Variants in HIPK2 observed in about 807,000 individuals in gnomAD.
HIPK2 encodes homeodomain interacting protein kinase 2.
Under a neutral mutation model 113.7 loss-of-function variants are expected in HIPK2, and 27 were observed. That is an observed-to-expected ratio of 0.24 (90% confidence interval 0.17 to 0.33). The LOEUF is 0.33. Ranked by LOEUF, HIPK2 falls within the 10% of genes least tolerant of loss-of-function variation. The pLI, the probability that HIPK2 is intolerant of heterozygous loss-of-function variation, is 1.00. For missense variants in HIPK2, 1,257 were observed against 1,588.0 expected (o/e 0.79, Z 3.54); for synonymous variants, 631 against 642.2 (o/e 0.98, Z 0.26).
chr7:139,707,300 C>T (rs1166557588), intron 2 of HIPK2, among the ~76,000 whole-genome samples: 1 of 152,270 alleles, frequency 6.6e-6, no homozygotes, highest in Non-Finnish European at 1.5e-5. Context: ...ACAAGGGCCA[C>T]AAGCCCAATA....
intron 1 of HIPK2, among the ~76,000 whole-genome samples, chr7:139,769,428 C>T (rs941244183): frequency 6.6e-6 from 1 of 152,224 alleles, no homozygotes; most frequent in African/African-American, 2.4e-5. Context: ...CTGATAATAT[C>T]GGTCCCCTTC....
intron 2 of HIPK2, among the ~76,000 whole-genome samples, chr7:139,664,918 G>A (rs529244213): frequency 6.6e-6 from 1 of 152,224 alleles, no homozygotes; most frequent in Non-Finnish European, 1.5e-5. Context: ...ATACCAACAA[G>A]CGCTCAGACT....
chr7:139,572,913 CT>C lies in HIPK2; in HGVS notation c.*13del. ...ATTCTCTCCCTCCCTCCCTCCCTCCCTCCCCTCCAGTGTTTATATGTAAGGG... is the reference window on the plus strand; with the variant it reads ...ATTCTCTCCCTCCCTCCCTCCCTCCCCCCCTCCAGTGTTTATATGTAAGGG... On this transcript the variant is annotated 3_prime_UTR_variant, in exon 15 of 15. Transcript: ENST00000406875. 5.3e-6 allele frequency: 6 copies of C among 1,142,568 alleles called. No homozygotes were observed. The highest frequency in any genetic ancestry group is 1.6e-5 in the South Asian group (1 of 64,092). 70.8% of individuals were successfully genotyped at this position (1,142,568 alleles called of 1,614,324 possible). A position where few individuals can be genotyped will look rare whatever the true frequency, so the allele number is the denominator to read the frequency against.
At position 139,618,774 on chromosome 7, in the gene HIPK2, G is replaced by A. The variant is rs566084350; in HGVS notation, c.1782+1627C>T. Among the ~76,000 whole-genome samples, 112 of 152,288 alleles carry A rather than the reference G, an allele frequency of 7.4e-4. 1 individual carries two copies. The South Asian group carries it at 0.022, about 30-fold the overall frequency. The stretch of plus-strand genomic sequence containing the variant: ...TTGACATGACGCCTGCATTGGAGGG[G>A]TGCTCCTTCCTCCTGTTTCACAGAT... On this transcript the variant is annotated intron_variant, in intron 7 of 14. Transcript: ENST00000406875.
rs62491691 is a variant in HIPK2 at position 139,669,224 on chromosome 7, T to C, written c.1104-37499A>G. Among the ~76,000 whole-genome samples the C allele has an allele frequency of 3.5e-3, 535 of 152,254 alleles. 3 individuals are homozygous for C. The highest frequency in any genetic ancestry group is 6.4e-3 in the Non-Finnish European group (432 of 68,002). ...CGAGACCACTATCAATCCCCTTGGC[T>C]AGGGGGTCAACTGTGTACTCAGCTT... On this transcript the variant is annotated intron_variant, in intron 2 of 14. Coordinates refer to ENST00000406875, the MANE Select transcript of HIPK2 (RefSeq NM_022740.5).
At chr7:139,757,598 G>A (rs200725175) in intron 1 of HIPK2, among the ~76,000 whole-genome samples, 1 of 152,164 alleles carries the variant, frequency 6.6e-6, no homozygotes, top group Admixed American at 6.5e-5. Flanking sequence ...CAAGCTAAGT[G>A]AAAGAAGCCA....
intron 1 of HIPK2, among the ~76,000 whole-genome samples, chr7:139,746,385 A>G (rs1796191270): frequency 6.6e-6 from 1 of 152,186 alleles, no homozygotes; most frequent in Non-Finnish European, 1.5e-5. Flanking sequence ...TGGGCCTAAC[A>G]GTGCTCATCA....
At chr7:139,675,498 G>A (rs1219748199) in intron 2 of HIPK2, among the ~76,000 whole-genome samples, 2 of 152,104 alleles carry the variant, frequency 1.3e-5, no homozygotes, top group Non-Finnish European at 2.9e-5. Context: ...TCTCACATGC[G>A]GACTCGACAC....
At chr7:139,680,952 G>A (rs112832378) in intron 2 of HIPK2, among the ~76,000 whole-genome samples, 24 of 152,348 alleles carry the variant, frequency 1.6e-4, no homozygotes, top group African/African-American at 5.1e-4. Flanking sequence ...CCTGGTTTTC[G>A]TGCCATGGGT....
At chr7:139,657,302 A>G (rs960814956) in intron 2 of HIPK2, among the ~76,000 whole-genome samples, 4 of 152,232 alleles carry the variant, frequency 2.6e-5, no homozygotes, top group African/African-American at 7.2e-5. Flanking sequence ...TACGTCAGTC[A>G]GAGTCGTCTG....
At chr7:139,622,317 A>C (rs188323420) in intron 6 of HIPK2, among the ~76,000 whole-genome samples, 4 of 152,256 alleles carry the variant, frequency 2.6e-5, no homozygotes, top group Non-Finnish European at 5.9e-5. Flanking sequence ...CAGTAGGTAA[A>C]AATACTCCTA....
chr7:139,648,545 C>A lies in HIPK2; in HGVS notation c.1104-16820G>T, dbSNP rs189243561. Among the ~76,000 whole-genome samples the A allele has an allele frequency of 2.5e-3, 383 of 152,258 alleles. 2 individuals carry two copies. The highest frequency in any genetic ancestry group is 8.8e-3 in the African/African-American group (366 of 41,546). The stretch of plus-strand genomic sequence containing the variant: ...ACAGTCCCCAGCCTTGTTACTTTAT[C>A]CCCCCGGGATAGCATCAATAGCTTA... On this transcript the variant is annotated intron_variant, in intron 2 of 14. Coordinates refer to ENST00000406875, the MANE Select transcript of HIPK2 (RefSeq NM_022740.5).
intron 1 of HIPK2, among the ~76,000 whole-genome samples, chr7:139,764,688 C>A (rs1796524313): frequency 1.3e-5 from 2 of 152,104 alleles, no homozygotes; most frequent in African/African-American, 4.8e-5. Context: ...GAGTCCCTAA[C>A]AGATAGAGGG....
intron 7 of HIPK2, among the ~76,000 whole-genome samples, chr7:139,619,764 TTTTC>T (rs1433339706): frequency 7.9e-5 from 12 of 152,230 alleles, no homozygotes; most frequent in Non-Finnish European, 1.3e-4. Context: ...TCCATGATCT[TTTTC>T]TTTGTTTTTT....
At chr7:139,724,241 G>C (rs1260388217) in intron 1 of HIPK2, among the ~76,000 whole-genome samples, 2 of 151,964 alleles carry the variant, frequency 1.3e-5, no homozygotes, top group Admixed American at 1.3e-4. Flanking sequence ...TAATACCTCA[G>C]GGGGTCAAAA....
intron 2 of HIPK2, among the ~76,000 whole-genome samples, chr7:139,652,977 A>G (rs2116482692): frequency 6.6e-6 from 1 of 152,080 alleles, no homozygotes; most frequent in Admixed American, 6.5e-5. Context: ...CACCTCTACT[A>G]AAAATACAAA....
chr7:139,724,500 T>C (rs1247991809), intron 1 of HIPK2, among the ~76,000 whole-genome samples: 1 of 152,184 alleles, frequency 6.6e-6, no homozygotes, highest in African/African-American at 2.4e-5. Context: ...GAGCACAGCT[T>C]AGGATCAACC....
intron 12 of HIPK2, among the ~76,000 whole-genome samples, chr7:139,590,003 A>G (rs759591903): frequency 5.3e-5 from 8 of 152,204 alleles, no homozygotes; most frequent in Non-Finnish European, 1.2e-4. Flanking sequence ...GCTCTACCTG[A>G]ACACACTATG....
intron 2 of HIPK2, among the ~76,000 whole-genome samples, chr7:139,653,845 G>A (rs1190096582): frequency 6.6e-6 from 1 of 151,912 alleles, no homozygotes; most frequent in African/African-American, 2.4e-5. Flanking sequence ...CGATTCTCCT[G>A]CCTCAGCCTC....
Sources: gnomAD v4.1 joint callset for allele counts (sites outside exome capture counted in the v4.1 genomes callset) on GRCh38, gnomAD v4.1.1 for gene constraint, MANE v1.5 for transcripts, NCBI Gene and HGNC (gene_info 2026-07-23, HGNC 2026-07-21) for gene names.